The following ARHGAP26 variants were observed in gnomAD, a reference collection of about 807,000 sequenced individuals.
The protein encoded by ARHGAP26 is Rho GTPase activating protein 26.
Under a neutral mutation model 104.8 loss-of-function variants are expected in ARHGAP26, and 38 were observed. The observed-to-expected ratio is 0.36, with a 90% CI of 0.28 to 0.48. The LOEUF is 0.48. Among genes scored for constraint, ARHGAP26 ranks in the 20% least tolerant of loss-of-function variants. The pLI, the probability that ARHGAP26 is intolerant of heterozygous loss-of-function variation, is 0.99. For missense variants in ARHGAP26, 704 were observed against 947.9 expected (o/e 0.74, Z 3.38); for synonymous variants, 341 against 340.0 (o/e 1.00, Z -0.03).
At chr5:142,908,055 A>G (rs1761354931) in intron 9 of ARHGAP26, among the ~76,000 whole-genome samples, 1 of 152,226 alleles carries the variant, frequency 6.6e-6, no homozygotes. Flanking sequence ...TATTTCACAT[A>G]TATACAATAT....
At chr5:142,883,158 A>C (rs1757240427) in intron 4 of ARHGAP26, among the ~76,000 whole-genome samples, 1 of 152,162 alleles carries the variant, frequency 6.6e-6, no homozygotes, top group South Asian at 2.1e-4. Flanking sequence ...TAAACATGGA[A>C]TGTGGAGGCA....
chr5:142,816,229 A>G (rs116435599), intron 1 of ARHGAP26, among the ~76,000 whole-genome samples: 3,888 of 152,282 alleles, frequency 0.026, 75 homozygotes, highest in South Asian at 0.075. Flanking sequence ...GAGGGTAGGA[A>G]CCATGTCTTT....
intron 20 of ARHGAP26, among the ~76,000 whole-genome samples, chr5:143,156,022 GAAATAGGCTT>G (rs1375145074): frequency 1.3e-5 from 2 of 152,214 alleles, no homozygotes; most frequent in Non-Finnish European, 2.9e-5. Context: ...ATTTGGGAAG[GAAATAGGCTT>G]AAGATTTCGC....
intron 17 of ARHGAP26, among the ~76,000 whole-genome samples, chr5:143,066,368 C>T (rs565878400): frequency 1.1e-4 from 17 of 152,334 alleles, no homozygotes; most frequent in Admixed American, 9.8e-4. Flanking sequence ...TTAAGCGATG[C>T]GTGACTATAC....
intron 14 of ARHGAP26, among the ~76,000 whole-genome samples, chr5:143,043,030 T>C (rs1299141695): frequency 6.6e-6 from 1 of 152,214 alleles, no homozygotes; most frequent in Non-Finnish European, 1.5e-5. Context: ...TAAGAAATAA[T>C]ATAGAGATCC....
rs572486990 is a variant in ARHGAP26 at position 143,113,741 on chromosome 5, T to C, written c.1539-7247T>C. Among the ~76,000 whole-genome samples the C allele has an allele frequency of 2.6e-5, 4 of 152,368 alleles. No individual in the cohort carries two copies. The South Asian group carries it at 8.3e-4, about 32-fold the overall frequency. On this transcript the variant is annotated intron_variant, in intron 17 of 22. Transcript: ENST00000645722. ...AGGCATAAATGCTCTTTCTCTCTTT[T>C]GTTTTTACTTCTTCCAATTTAGTGA...
At chr5:142,861,731 A>G (rs1753392104) in intron 1 of ARHGAP26, among the ~76,000 whole-genome samples, 1 of 152,212 alleles carries the variant, frequency 6.6e-6, no homozygotes, top group South Asian at 2.1e-4. Flanking sequence ...TAAGCACTTC[A>G]GTGCATCATC....
At chr5:143,081,190 G>C (rs149996613) in intron 17 of ARHGAP26, among the ~76,000 whole-genome samples, 3 of 152,242 alleles carry the variant, frequency 2.0e-5, no homozygotes, top group African/African-American at 7.2e-5. Flanking sequence ...CCACAGGACT[G>C]ATGAGATCAC....
intron 12 of ARHGAP26, among the ~76,000 whole-genome samples, chr5:143,017,640 A>G (rs558379911): frequency 6.6e-6 from 1 of 151,822 alleles, no homozygotes; most frequent in East Asian, 1.9e-4. Context: ...GTCTTGTTTT[A>G]TTTCTTACTT....
At chr5:142,973,565 A>C (rs1355114966) in intron 11 of ARHGAP26, among the ~76,000 whole-genome samples, 1 of 152,228 alleles carries the variant, frequency 6.6e-6, no homozygotes, top group Non-Finnish European at 1.5e-5. Flanking sequence ...TACTCCATGC[A>C]CAAGTGTTAG....
At chr5:143,039,652 A>G (rs1219263857) in intron 13 of ARHGAP26, among the ~76,000 whole-genome samples, 2 of 152,128 alleles carry the variant, frequency 1.3e-5, no homozygotes, top group East Asian at 1.9e-4. Context: ...AGTAAAGTTC[A>G]TATACTTGCT....
At chr5:142,796,671 C>A (rs1358839715) in intron 1 of ARHGAP26, among the ~76,000 whole-genome samples, 1 of 152,232 alleles carries the variant, frequency 6.6e-6, no homozygotes, top group African/African-American at 2.4e-5. Flanking sequence ...GCTTTCTGAG[C>A]CCTGTGGACT....
chr5:143,054,653 G>A (rs1210017636), intron 15 of ARHGAP26, 127 bp downstream of exon 15: 13 of 640,826 alleles, frequency 2.0e-5, no homozygotes, highest in Middle Eastern at 5.2e-4. Flanking sequence ...CAGCTTCTGT[G>A]TGGGTGCGTT....
intron 1 of ARHGAP26, among the ~76,000 whole-genome samples, chr5:142,840,754 T>C (rs1301260585): frequency 6.6e-6 from 1 of 152,086 alleles, no homozygotes; most frequent in Non-Finnish European, 1.5e-5. Flanking sequence ...TGAGATGAAA[T>C]TGTCAGGGAA....
rs752591382 is a variant in ARHGAP26 at position 142,890,151 on chromosome 5, AATATATATATATAT to A, written c.487-4054_487-4041del. ...AACTCCGTCTTAAAAAAAAAAAAAAAATATATATATATATATATATATATATATATATATATATA... is the reference window on the plus strand; with the variant it reads ...AACTCCGTCTTAAAAAAAAAAAAAAAATATATATATATATATATATATATA... On this transcript the variant is annotated intron_variant, in intron 5 of 22. Transcript: ENST00000645722. Among the ~76,000 whole-genome samples, 191 of 32,418 alleles carry A rather than the reference AATATATATATATAT, an allele frequency of 5.9e-3. 2 individuals carry two copies. The highest frequency in any genetic ancestry group is 8.0e-3 in the Non-Finnish European group (147 of 18,292). 21.3% of individuals were successfully genotyped at this position (32,418 alleles called of 152,430 possible). A position where few individuals can be genotyped will look rare whatever the true frequency, so the allele number is the denominator to read the frequency against.
At chr5:143,159,591 A>T (rs1045471573) in intron 20 of ARHGAP26, among the ~76,000 whole-genome samples, 1 of 152,128 alleles carries the variant, frequency 6.6e-6, no homozygotes, top group Non-Finnish European at 1.5e-5. Context: ...AATTACCAAC[A>T]TCTAGGCCCC....
Position 142,887,406 on chromosome 5 carries a change from A to C in ARHGAP26, c.486+2007A>C, listed in dbSNP as rs79020874. ...AATATCTGTCCTACTTATGTTATAC[A>C]TGAGAAGGCAAATATAACTGCTGCT... On this transcript the variant is annotated intron_variant, in intron 5 of 22. Coordinates refer to ENST00000645722, the MANE Select transcript of ARHGAP26 (RefSeq NM_001135608.3). 2.7e-3 allele frequency among the ~76,000 whole-genome samples: 418 copies of C among 152,346 alleles called. 9 individuals carry two copies. In the East Asian group the frequency reaches 0.048, roughly 18 times the overall value.
intron 11 of ARHGAP26, among the ~76,000 whole-genome samples, chr5:143,006,873 C>T (rs1330430301): frequency 6.6e-6 from 1 of 152,112 alleles, no homozygotes; most frequent in East Asian, 1.9e-4. Context: ...AAAATCATGT[C>T]CATTCATGGG....
intron 17 of ARHGAP26, among the ~76,000 whole-genome samples, chr5:143,096,343 G>T (rs1286159606): frequency 6.6e-6 from 1 of 152,118 alleles, no homozygotes; most frequent in Non-Finnish European, 1.5e-5. Context: ...AAATTATGAC[G>T]TTTTCTTGAA....
Sources: gnomAD v4.1 joint callset for allele counts (sites outside exome capture counted in the v4.1 genomes callset) on GRCh38, gnomAD v4.1.1 for gene constraint, MANE v1.5 for transcripts, NCBI Gene and HGNC (gene_info 2026-07-23, HGNC 2026-07-21) for gene names.